GNA14: variants seen among roughly 807,000 people sequenced by gnomAD.
GNA14 encodes the protein G protein subunit alpha 14, also known as guanine nucleotide-binding protein subunit alpha-14.
In GNA14, 50 loss-of-function variants were observed where a neutral mutation model predicts 42.0. That is an observed-to-expected ratio of 1.19 (90% CI 0.95 to 1.51). The LOEUF is 1.51. Ranked by LOEUF, GNA14 falls within the 40% of genes most tolerant of loss-of-function variation. The pLI is 0.00. For synonymous variants in GNA14, 173 were observed against 163.1 expected, an observed-to-expected ratio of 1.06 and a Z score of -0.46; for missense variants, 473 against 446.2, an observed-to-expected ratio of 1.06 and a Z score of -0.54.
At chr9:77,626,138 CAAAT>C (rs1328631445) in intron 1 of GNA14, among the ~76,000 whole-genome samples, 2 of 151,560 alleles carry the variant, frequency 1.3e-5, no homozygotes, top group African/African-American at 4.8e-5. Flanking sequence ...TCAAAAGAGA[CAAAT>C]AAGGGCATTA....
At position 77,424,070 on chromosome 9, in the gene GNA14, C is replaced by T. The variant is rs757469680; in HGVS notation, c.977G>A (p.Cys326Tyr). The part of the protein sequence containing the change: ...KEKVIYSHFT[C>Y]ATDTDNIRFV... ...GCGAATATTGTCTGTATCTGTAGCA[C>T]ATGTGAAGTGAGAGTAGATGACTTT... The change falls in exon 7 of 7, where the codon TGT (cysteine) becomes TAT (tyrosine). Residue 326 changes from cysteine to tyrosine, a missense_variant. Coordinates refer to ENST00000341700, the MANE Select transcript of GNA14 (RefSeq NM_004297.4). 13 of 1,612,096 alleles carry T rather than the reference C, an allele frequency of 8.1e-6. No homozygotes were observed. In the Admixed American group the frequency reaches 2.0e-4, roughly 25 times the overall value.
intron 2 of GNA14, among the ~76,000 whole-genome samples, chr9:77,441,979 G>C (rs548413894): frequency 6.6e-6 from 1 of 152,312 alleles, no homozygotes; most frequent in East Asian, 1.9e-4. Context: ...TTCTGCTTCA[G>C]GTAAAGGAGG....
chr9:77,618,581 A>AATATATATATATATATAT (rs1181899033), intron 1 of GNA14, among the ~76,000 whole-genome samples: 1 of 42,608 alleles, frequency 2.3e-5, no homozygotes, highest in African/African-American at 9.5e-5. Flanking sequence ...ATTACATTTG[A>AATATATATATATATATAT]ATATATATAT....
At chr9:77,482,407 GT>G (rs1434051773) in intron 2 of GNA14, among the ~76,000 whole-genome samples, 1 of 152,192 alleles carries the variant, frequency 6.6e-6, no homozygotes, top group Non-Finnish European at 1.5e-5. Flanking sequence ...GGCTTGTAGA[GT>G]TTCTGTCGAG....
intron 2 of GNA14, among the ~76,000 whole-genome samples, chr9:77,483,681 A>G (rs1836605007): frequency 2.0e-5 from 3 of 152,334 alleles, no homozygotes; most frequent in African/African-American, 7.2e-5. Flanking sequence ...TGGAGCCTAC[A>G]GAGGCAGGCT....
chr9:77,647,195 G>A (rs1308166918), intron 1 of GNA14, among the ~76,000 whole-genome samples: 2 of 152,160 alleles, frequency 1.3e-5, no homozygotes, highest in African/African-American at 4.8e-5. Flanking sequence ...TCACCTGCCC[G>A]CATCACCAGG....
At chr9:77,646,310 G>A (rs936258799) in intron 1 of GNA14, among the ~76,000 whole-genome samples, 1 of 152,226 alleles carries the variant, frequency 6.6e-6, no homozygotes, top group Non-Finnish European at 1.5e-5. Flanking sequence ...GGCCTTAGAA[G>A]CTGGTATGGG....
At position 77,431,422 on chromosome 9, in the gene GNA14, G is replaced by A. The variant is rs752932358; in HGVS notation, c.492C>T (p.Ala164=). 4 of 1,613,546 alleles carry A rather than the reference G, an allele frequency of 2.5e-6. No individual in the cohort carries two copies. The highest frequency in any genetic ancestry group is 4.5e-5 in the East Asian group (2 of 44,862). The change falls in exon 4 of 7, where the codon GCC becomes GCT. Residue 164 remains alanine (A), a synonymous_variant. Transcript: ENST00000341700. ...GTTGGGTAGGCACGAATGATGGTGT[G>A]GCGATGCGGTCAATGTCAGTCAGGT... ...KYYLTDIDRI[A]TPSFVPTQQD...
At chr9:77,487,442 A>G (rs996957809) in intron 2 of GNA14, among the ~76,000 whole-genome samples, 3 of 152,198 alleles carry the variant, frequency 2.0e-5, no homozygotes, top group Admixed American at 6.5e-5. Flanking sequence ...GTCAATTGAC[A>G]TTTTGCCATC....
At chr9:77,645,328 G>A (rs1318048940) in intron 1 of GNA14, among the ~76,000 whole-genome samples, 1 of 152,188 alleles carries the variant, frequency 6.6e-6, no homozygotes, top group Non-Finnish European at 1.5e-5. Flanking sequence ...AGACAAAATG[G>A]TGCACATCCT....
intron 2 of GNA14, among the ~76,000 whole-genome samples, chr9:77,480,050 C>T (rs1164018686): frequency 6.6e-6 from 1 of 152,144 alleles, no homozygotes; most frequent in African/African-American, 2.4e-5. Flanking sequence ...ATTTCCTTCT[C>T]CTGCCTGATT....
At chr9:77,640,103 G>A (rs532035715) in intron 1 of GNA14, among the ~76,000 whole-genome samples, 1 of 152,306 alleles carries the variant, frequency 6.6e-6, no homozygotes, top group African/African-American at 2.4e-5. Context: ...GCCACAACCT[G>A]GCTATAAAGG....
chr9:77,496,137 G>C (rs1238075410), intron 2 of GNA14, among the ~76,000 whole-genome samples: 2 of 152,170 alleles, frequency 1.3e-5, no homozygotes, highest in Admixed American at 1.3e-4. Flanking sequence ...AAATAGGGAA[G>C]GAATTTACTG....
chr9:77,505,584 G>T (rs933699401), intron 2 of GNA14, among the ~76,000 whole-genome samples: 1 of 152,230 alleles, frequency 6.6e-6, no homozygotes, highest in African/African-American at 2.4e-5. Context: ...ATGCATGGGT[G>T]AATGAATGAA....
intron 1 of GNA14, among the ~76,000 whole-genome samples, chr9:77,554,605 TCATC>T (rs1176671560): frequency 6.6e-6 from 1 of 152,218 alleles, no homozygotes; most frequent in Non-Finnish European, 1.5e-5. Flanking sequence ...TATTAATACT[TCATC>T]CAAACAATTT....
chr9:77,566,317 G>A (rs1432481442), intron 1 of GNA14, among the ~76,000 whole-genome samples: 1 of 151,696 alleles, frequency 6.6e-6, no homozygotes, highest in Non-Finnish European at 1.5e-5. Flanking sequence ...ACCATGCCTG[G>A]CTAATTTTTG....
At chr9:77,472,285 C>T (rs577802254) in intron 2 of GNA14, among the ~76,000 whole-genome samples, 17 of 152,162 alleles carry the variant, frequency 1.1e-4, no homozygotes, top group Admixed American at 5.9e-4. Flanking sequence ...GTGTATTAAG[C>T]GGAACCATGA....
intron 2 of GNA14, 95 bp downstream of exon 2, chr9:77,528,974 T>C: frequency 9.6e-7 from 1 of 1,037,606 alleles, no homozygotes; most frequent in Non-Finnish European, 1.5e-6. Context: ...GAGCTTCTTC[T>C]GGCATCTGAC....
chr9:77,638,422 G>A (rs979452257), intron 1 of GNA14, among the ~76,000 whole-genome samples: 2 of 152,220 alleles, frequency 1.3e-5, no homozygotes, highest in Non-Finnish European at 2.9e-5. Context: ...GTGTGATCTG[G>A]AAAGGCCTTG....
Sources: allele counts gnomAD v4.1 joint callset (sites outside exome capture counted in the v4.1 genomes callset), GRCh38; gene constraint gnomAD v4.1.1; transcripts MANE v1.5; gene names NCBI Gene and HGNC (gene_info 2026-07-23, HGNC 2026-07-21).